GNAQ: variants seen among roughly 807,000 people sequenced by gnomAD.
GNAQ encodes guanine nucleotide-binding protein G(q) subunit alpha.
A neutral mutation model predicts 43.9 loss-of-function variants in GNAQ; 8 were observed. That is an observed-to-expected ratio of 0.18 (90% CI 0.11 to 0.33). GNAQ has a LOEUF of 0.33. Ranked by LOEUF, GNAQ falls within the 10% of genes least tolerant of loss-of-function variation. The pLI is 1.00. For synonymous variants in GNAQ, 155 were observed against 170.7 expected, an observed-to-expected ratio of 0.91 and a Z score of 0.71; for missense variants, 158 against 450.8, an observed-to-expected ratio of 0.35 and a Z score of 5.88.
At chr9:77,960,525 G>A (rs1823094718) in intron 1 of GNAQ, among the ~76,000 whole-genome samples, 1 of 152,144 alleles carries the variant, frequency 6.6e-6, no homozygotes, top group African/African-American at 2.4e-5. Context: ...TAAAGGAGGT[G>A]GTTGGTGGCT....
intron 1 of GNAQ, among the ~76,000 whole-genome samples, chr9:77,950,290 A>T (rs556745776): frequency 1.3e-5 from 2 of 152,314 alleles, no homozygotes; most frequent in East Asian, 3.9e-4. Flanking sequence ...GCAGTATGTT[A>T]TTAAGCTTGC....
chr9:77,965,860 G>T (rs1400784415), intron 1 of GNAQ, among the ~76,000 whole-genome samples: 1 of 148,858 alleles, frequency 6.7e-6, no homozygotes, highest in South Asian at 2.1e-4. Flanking sequence ...AAAAAGGCAC[G>T]TATCTATCAA....
chr9:77,894,210 G>A (rs926157632), intron 2 of GNAQ, among the ~76,000 whole-genome samples: 1 of 143,326 alleles, frequency 7.0e-6, no homozygotes, highest in East Asian at 2.0e-4. Context: ...ATAGATAAGG[G>A]TATTACAGTA....
chr9:77,981,209 T>C (rs1010714679), intron 1 of GNAQ, among the ~76,000 whole-genome samples: 2 of 152,218 alleles, frequency 1.3e-5, no homozygotes, highest in African/African-American at 4.8e-5. Flanking sequence ...TAAGCCTGCT[T>C]TGAATTTCTA....
At chr9:77,814,877 G>A (rs761462651) in intron 3 of GNAQ, among the ~76,000 whole-genome samples, 1 of 152,198 alleles carries the variant, frequency 6.6e-6, no homozygotes, top group East Asian at 1.9e-4. Flanking sequence ...TCACTATTCA[G>A]GTGCCTGGTT....
rs948465441 is a variant in GNAQ, at chr9:77,922,476, A to C, written c.137-131T>G. 9 of 655,524 alleles carry C rather than the reference A, an allele frequency of 1.4e-5. No individual in the cohort carries two copies. In the Admixed American group the frequency reaches 1.5e-4, roughly 11 times the overall value. 40.6% of individuals were successfully genotyped at this position (655,524 alleles called of 1,614,324 possible). A position where few individuals can be genotyped will look rare whatever the true frequency, so the allele number is the denominator to read the frequency against. ...CTGAGAGGAGCGACTCTAGAATTGG[A>C]AACACTACCTATGGTGAACATTTAG... On this transcript the variant is annotated intron_variant, in intron 1 of 6. Transcript: ENST00000286548.
chr9:77,739,680 C>T (rs1178035961), intron 5 of GNAQ, among the ~76,000 whole-genome samples: 1 of 152,218 alleles, frequency 6.6e-6, no homozygotes, highest in African/African-American at 2.4e-5. Context: ...ATATAAGCCA[C>T]TGCCCATCCT....
chr9:77,880,500 C>T (rs1328063318), intron 2 of GNAQ, among the ~76,000 whole-genome samples: 1 of 151,880 alleles, frequency 6.6e-6, no homozygotes, highest in African/African-American at 2.4e-5. Flanking sequence ...CCCACCTCAG[C>T]CTTCTGAATG....
chr9:77,985,242 G>A (rs1007741264), intron 1 of GNAQ, among the ~76,000 whole-genome samples: 7 of 152,182 alleles, frequency 4.6e-5, no homozygotes, highest in African/African-American at 7.2e-5. Flanking sequence ...GAACCCAGGA[G>A]GCGGAGCTTG....
At chr9:77,912,632 A>G (rs1828827157) in intron 2 of GNAQ, among the ~76,000 whole-genome samples, 1 of 152,212 alleles carries the variant, frequency 6.6e-6, no homozygotes, top group South Asian at 2.1e-4. Context: ...TCTGTAAGCC[A>G]TTTACTCAAC....
intron 2 of GNAQ, among the ~76,000 whole-genome samples, chr9:77,831,798 G>T (rs1240264138): frequency 6.6e-6 from 1 of 152,158 alleles, no homozygotes; most frequent in East Asian, 1.9e-4. Flanking sequence ...ACCCTTAAAT[G>T]AAAATCTTTA....
chr9:77,995,553 G>T (rs909598393), intron 1 of GNAQ, among the ~76,000 whole-genome samples: 6 of 151,958 alleles, frequency 3.9e-5, no homozygotes, highest in Non-Finnish European at 7.4e-5. Context: ...TGCAGTGGTG[G>T]GATCATAGCT....
chr9:77,977,348 A>T (rs1823315022), intron 1 of GNAQ, among the ~76,000 whole-genome samples: 1 of 152,224 alleles, frequency 6.6e-6, no homozygotes, highest in East Asian at 1.9e-4. Flanking sequence ...CTCATTCTCC[A>T]AGGGCTCCTA....
chr9:77,918,738 C>T (rs1462797916), intron 2 of GNAQ, among the ~76,000 whole-genome samples: 3 of 152,156 alleles, frequency 2.0e-5, no homozygotes, highest in Non-Finnish European at 4.4e-5. Flanking sequence ...TCCCTCAGAT[C>T]TGCCCTTCTC....
intron 5 of GNAQ, among the ~76,000 whole-genome samples, chr9:77,776,836 A>G (rs925292908): frequency 4.0e-5 from 6 of 151,724 alleles, no homozygotes; most frequent in African/African-American, 1.5e-4. Flanking sequence ...TACATAGTCA[A>G]CATCATCCCT....
intron 1 of GNAQ, among the ~76,000 whole-genome samples, chr9:77,959,255 T>G (rs1823078617): frequency 6.6e-6 from 1 of 152,226 alleles, no homozygotes. Context: ...TTGCTTCATT[T>G]ACATATCCCA....
intron 1 of GNAQ, among the ~76,000 whole-genome samples, chr9:77,935,713 G>A (rs193224076): frequency 6.6e-6 from 1 of 152,200 alleles, no homozygotes; most frequent in Non-Finnish European, 1.5e-5. Context: ...TACCCTATGG[G>A]CTGTTTCATT....
intron 1 of GNAQ, among the ~76,000 whole-genome samples, chr9:77,996,525 G>T (rs1233972561): frequency 6.6e-6 from 1 of 151,654 alleles, no homozygotes. Context: ...AAAAAATACA[G>T]AAGTTAGCCA....
At chr9:78,008,458 A>T (rs1823732360) in intron 1 of GNAQ, among the ~76,000 whole-genome samples, 1 of 151,384 alleles carries the variant, frequency 6.6e-6, no homozygotes, top group Non-Finnish European at 1.5e-5. Context: ...TTTACTATCA[A>T]CTCCTCCCCT....
Sources: gnomAD v4.1 joint callset for allele counts (sites outside exome capture counted in the v4.1 genomes callset) on GRCh38, gnomAD v4.1.1 for gene constraint, MANE v1.5 for transcripts, NCBI Gene and HGNC (gene_info 2026-07-23, HGNC 2026-07-21) for gene names.